Variants in ETV5 observed in about 807,000 individuals in gnomAD.
ETV5 encodes the protein ETS translocation variant 5.
A neutral mutation model predicts 70.0 loss-of-function variants in ETV5; 10 were observed. That is an observed-to-expected ratio of 0.14 (90% CI 0.09 to 0.24). The LOEUF is 0.24. ETV5 is among the 10% of genes least tolerant of loss of function. The pLI is 1.00. For missense variants in ETV5, 453 were observed against 651.2 expected (o/e 0.70, Z 3.31); for synonymous variants, 216 against 242.2 (o/e 0.89, Z 1.01).
At chr3:186,074,271 T>C (rs1268958465) in intron 7 of ETV5, among the ~76,000 whole-genome samples, 1 of 152,190 alleles carries the variant, frequency 6.6e-6, no homozygotes, top group Admixed American at 6.5e-5. Flanking sequence ...ATTAAATTTA[T>C]TCAACTAAAT....
intron 5 of ETV5, among the ~76,000 whole-genome samples, chr3:186,083,760 G>A (rs1578553889): frequency 6.6e-6 from 1 of 152,278 alleles, no homozygotes; most frequent in Non-Finnish European, 1.5e-5. Context: ...CGTGAAGGCA[G>A]GGACCACATC....
At chr3:186,087,196 C>T (rs1714078969) in intron 5 of ETV5, among the ~76,000 whole-genome samples, 1 of 152,262 alleles carries the variant, frequency 6.6e-6, no homozygotes, top group Non-Finnish European at 1.5e-5. Context: ...TTATGCTTAA[C>T]AACATGGATG....
intron 12 of ETV5, among the ~76,000 whole-genome samples, chr3:186,049,506 G>A (rs757964649): frequency 1.6e-4 from 25 of 152,160 alleles, no homozygotes; most frequent in Admixed American, 3.9e-4. Context: ...AGACATCTGC[G>A]TCAATGGGAT....
At chr3:186,084,280 GC>G in intron 5 of ETV5, 3 of 220,400 alleles carry the variant, frequency 1.4e-5, no homozygotes, top group East Asian at 1.4e-4. Flanking sequence ...GAAAAGAAAT[GC>G]TAAAAAAAAA....
At chr3:186,051,862 A>C (rs1446361376) in intron 12 of ETV5, among the ~76,000 whole-genome samples, 168 bp downstream of exon 12, 2 of 152,156 alleles carry the variant, frequency 1.3e-5, no homozygotes, top group Non-Finnish European at 2.9e-5. Context: ...TCTATATCTC[A>C]TTTGATTCTT....
chr3:186,093,397 G>A (rs1210813977), intron 5 of ETV5, among the ~76,000 whole-genome samples: 2 of 152,090 alleles, frequency 1.3e-5, no homozygotes, highest in Non-Finnish European at 2.9e-5. Flanking sequence ...GGGAAGGGGA[G>A]GTGGTTTAAA....
At position 186,048,399 on chromosome 3, in the gene ETV5, T is replaced by C. The variant is rs1457131889; in HGVS notation, c.*240A>G. 1.8e-6 allele frequency: 1 copy of C among 548,022 alleles called. No homozygotes were observed. The highest frequency in any genetic ancestry group is 3.3e-6 in the Non-Finnish European group (1 of 304,616). The allele number at this position is 548,022 out of a possible 1,614,324, so 33.9% of individuals were successfully genotyped here. ...CCATTTTGATCTCTTCCCAGAAACC[T>C]CATCAGAATCAAGAGTTGAGGCACT... On this transcript the variant is annotated 3_prime_UTR_variant, in exon 13 of 13. Transcript: ENST00000306376.
Position 186,048,267 on chromosome 3 carries a change from T to C in ETV5, c.*372A>G. 1 of 302,396 alleles carries C rather than the reference T, an allele frequency of 3.3e-6. No homozygotes were observed. Among genetic ancestry groups the C allele is most frequent in the Non-Finnish European group, 6.2e-6 (1 of 160,514 alleles). 18.7% of individuals were successfully genotyped at this position (302,396 alleles called of 1,614,324 possible). A position where few individuals can be genotyped will look rare whatever the true frequency, so the allele number is the denominator to read the frequency against. On this transcript the variant is annotated 3_prime_UTR_variant, in exon 13 of 13. Transcript: ENST00000306376. ...ATCAGAGCCCTTCTATGTAAAGGCA[T>C]TTAGTAGTCCATGATCGATGCAGAT...
At position 186,047,685 on chromosome 3, in the gene ETV5, C is replaced by T; in HGVS notation, c.*954G>A. The T allele has an allele frequency of 4.3e-6, 1 of 233,380 alleles. No homozygotes were observed. The allele number at this position is 233,380 out of a possible 1,614,324, so 14.5% of individuals were successfully genotyped here. ...GGCAACAAGGCGGGCTTTCACATGG[C>T]CAAGGGGAAGCCTCAGCAAAGCCCC... On this transcript the variant is annotated 3_prime_UTR_variant, in exon 13 of 13. Transcript: ENST00000306376.
At chr3:186,068,660 T>C (rs1370077534) in intron 7 of ETV5, among the ~76,000 whole-genome samples, 1 of 152,202 alleles carries the variant, frequency 6.6e-6, no homozygotes, top group Non-Finnish European at 1.5e-5. Context: ...TTCTTGGCTT[T>C]GTTTGCTTAT....
At chr3:186,064,589 C>T in intron 8 of ETV5, 113 bp from the exon 9 acceptor site, 1 of 1,035,996 alleles carries the variant, frequency 9.7e-7, no homozygotes, top group South Asian at 1.3e-5. Flanking sequence ...GCTCTGGGGT[C>T]ATGTCTTTCT....
rs1358107192 is a variant in ETV5, at chr3:186,057,789, C to G, written c.971-298G>C. ...TTTTGCTTCTGAGGTCTGCATGGATCAATGTTGCTCTGACTAAGCCTTTAC... is the reference window on the plus strand; with the variant it reads ...TTTTGCTTCTGAGGTCTGCATGGATGAATGTTGCTCTGACTAAGCCTTTAC... On this transcript the variant is annotated intron_variant, in intron 9 of 12. Transcript: ENST00000306376. The surrounding 1 kb of genome is among the most constrained non-coding windows in gnomAD (Gnocchi z 4.9). Among the ~76,000 whole-genome samples the G allele has an allele frequency of 6.6e-6, 1 of 152,200 alleles. No homozygotes were observed. The highest frequency in any genetic ancestry group is 1.5e-5 in the Non-Finnish European group (1 of 68,040).
chr3:186,078,699 C>G (rs1036242163), intron 7 of ETV5, among the ~76,000 whole-genome samples: 1 of 152,112 alleles, frequency 6.6e-6, no homozygotes, highest in African/African-American at 2.4e-5. Context: ...GCCAGCCCCC[C>G]ACAACCCCGT....
intron 12 of ETV5, 47 bp from the exon 13 acceptor site, chr3:186,048,907 G>A: frequency 6.7e-7 from 1 of 1,490,350 alleles, no homozygotes; most frequent in Non-Finnish European, 9.3e-7. Context: ...AACAGGGCAT[G>A]GGATCAGGGG....
intron 6 of ETV5, 121 bp from the exon 7 acceptor site, chr3:186,080,225 G>C: frequency 1.4e-6 from 1 of 735,546 alleles, no homozygotes; most frequent in Non-Finnish European, 2.0e-6. Context: ...CATTAACATA[G>C]TTAAATCGCT....
rs900058165 is a variant in ETV5 at position 186,054,894 on chromosome 3, A to G, written c.1209+2181T>C. 6.6e-6 allele frequency among the ~76,000 whole-genome samples: 1 copy of G among 152,204 alleles called. No individual in the cohort carries two copies. The highest frequency in any genetic ancestry group is 2.4e-5 in the African/African-American group (1 of 41,458). On this transcript the variant is annotated intron_variant, in intron 11 of 12. Transcript: ENST00000306376. This position sits in a 1 kb window ranked among gnomAD's most constrained non-coding sequence, Gnocchi z 4.4. ...ACTGATCCTGGGTGAAGAGAAAGGA[A>G]CATTTGGAGCTTAGGGAAAGCTTGG... is the stretch of plus-strand genomic sequence containing the variant.
intron 5 of ETV5, among the ~76,000 whole-genome samples, chr3:186,101,216 G>T (rs578254288): frequency 1.3e-5 from 2 of 152,282 alleles, no homozygotes; most frequent in East Asian, 3.9e-4. Flanking sequence ...TCATATATAG[G>T]AAATATGTAC....
chr3:186,063,703 T>C (rs1713365706), intron 9 of ETV5, among the ~76,000 whole-genome samples: 1 of 152,184 alleles, frequency 6.6e-6, no homozygotes, highest in African/African-American at 2.4e-5. Context: ...GAGAAAACAT[T>C]TGTGTCCTTC....
At chr3:186,078,367 G>A (rs1713847065) in intron 7 of ETV5, among the ~76,000 whole-genome samples, 1 of 152,078 alleles carries the variant, frequency 6.6e-6, no homozygotes. Context: ...CATAACCCTT[G>A]CAGAAAATCA....
Sources: allele counts gnomAD v4.1 joint callset (sites outside exome capture counted in the v4.1 genomes callset), GRCh38; gene constraint gnomAD v4.1.1; non-coding constraint Gnocchi (gnomAD v3.1); transcripts MANE v1.5; gene names NCBI Gene and HGNC (gene_info 2026-07-23, HGNC 2026-07-21).